The following KIFC3 variants were observed in gnomAD, a reference collection of about 807,000 sequenced individuals.
KIFC3 encodes the protein kinesin-like protein KIFC3.
Under a neutral mutation model 101.8 loss-of-function variants are expected in KIFC3, and 60 were observed. The observed-to-expected ratio is 0.59, with a 90% confidence interval of 0.48 to 0.73. KIFC3 has a LOEUF of 0.73. Ranked by LOEUF, KIFC3 falls within the 30% of genes least tolerant of loss-of-function variation. The pLI is 0.00. For synonymous variants in KIFC3, 476 were observed against 482.7 expected (o/e 0.99, Z 0.18); for missense variants, 966 against 1,137.1 (o/e 0.85, Z 2.16).
intron 2 of KIFC3, chr16:57,797,716 GC>G (rs2054450691): frequency 1.7e-6 from 2 of 1,173,018 alleles, no homozygotes; most frequent in Non-Finnish European, 2.1e-6. Context: ...TTGTTTACCA[GC>G]CTGGGCAGAG....
chr16:57,789,028 C>T (rs2053614722), intron 3 of KIFC3, among the ~76,000 whole-genome samples: 2 of 152,228 alleles, frequency 1.3e-5, no homozygotes, highest in Non-Finnish European at 1.5e-5. Context: ...CTGAGAGTCA[C>T]CAGCACAGAG....
intron 1 of KIFC3, among the ~76,000 whole-genome samples, chr16:57,824,675 G>A (rs782277669): frequency 2.6e-5 from 4 of 152,118 alleles, no homozygotes; most frequent in Non-Finnish European, 5.9e-5. Flanking sequence ...AGAGCAAGAC[G>A]CTGTCTCAAA....
intron 10 of KIFC3, among the ~76,000 whole-genome samples, chr16:57,766,112 T>C (rs782016187): frequency 8.5e-5 from 13 of 152,314 alleles, no homozygotes; most frequent in African/African-American, 2.6e-4. Context: ...AGGGCCCAGA[T>C]AGTGGGGCAG....
intron 1 of KIFC3, among the ~76,000 whole-genome samples, chr16:57,845,938 T>C (rs967642544): frequency 3.3e-5 from 5 of 152,152 alleles, no homozygotes; most frequent in African/African-American, 7.2e-5. Flanking sequence ...AGAGGGTTCT[T>C]TAAGATTTGT....
intron 12 of KIFC3, 60 bp downstream of exon 12, chr16:57,764,083 G>C (rs2050173994): frequency 4.1e-6 from 5 of 1,208,578 alleles, no homozygotes. Context: ...AGACCAATGA[G>C]GGAGCCCGCA....
Position 57,797,949 on chromosome 16 carries a change from G to A in KIFC3, c.172+123C>T, listed in dbSNP as rs189929360. ...ACGCCCGCCTGGCTCTGGGCTGTCG[G>A]TTACCCTGTAATTACCTGACAGCTC... On this transcript the variant is annotated intron_variant, in intron 2 of 19. Coordinates refer to ENST00000445690, the MANE Select transcript of KIFC3 (RefSeq NM_001130100.2). 326 of 1,540,338 alleles carry A rather than the reference G, an allele frequency of 2.1e-4. 1 individual carries two copies. The African/African-American group carries it at 4.2e-3, about 20-fold the overall frequency.
At chr16:57,815,951 G>A (rs1319471776) in intron 1 of KIFC3, among the ~76,000 whole-genome samples, 1 of 152,210 alleles carries the variant, frequency 6.6e-6, no homozygotes, top group Non-Finnish European at 1.5e-5. Flanking sequence ...ACTCGGCTGG[G>A]TCACCCCTGC....
At chr16:57,786,849 G>A (rs1036127613) in intron 3 of KIFC3, among the ~76,000 whole-genome samples, 5 of 152,168 alleles carry the variant, frequency 3.3e-5, no homozygotes, top group Non-Finnish European at 5.9e-5. Context: ...GCTTGCAGCT[G>A]GGCGGGGACA....
At chr16:57,852,105 T>C (rs1357345831) in intron 1 of KIFC3, among the ~76,000 whole-genome samples, 2 of 152,156 alleles carry the variant, frequency 1.3e-5, no homozygotes, top group Non-Finnish European at 1.5e-5. Flanking sequence ...TTTGTCTCTT[T>C]TTTCCTGCTT....
intron 18 of KIFC3, 165 bp from the exon 19 acceptor site, chr16:57,759,318 C>T (rs1190825664): frequency 6.4e-6 from 5 of 781,584 alleles, no homozygotes; most frequent in Non-Finnish European, 1.0e-5. Context: ...TGGCGGGGCT[C>T]ACTCCTCACC....
chr16:57,838,017 A>G (rs6499917), intron 1 of KIFC3, among the ~76,000 whole-genome samples: 2,428 of 152,276 alleles, frequency 0.016, 65 homozygotes, highest in African/African-American at 0.055. Flanking sequence ...ACCAGGGTCA[A>G]GTAGCCGGGG....
chr16:57,831,754 T>G (rs920055544), intron 1 of KIFC3, among the ~76,000 whole-genome samples: 1 of 152,224 alleles, frequency 6.6e-6, no homozygotes, highest in Non-Finnish European at 1.5e-5. Flanking sequence ...AAGCTCTCCG[T>G]GGATACAGCT....
In KIFC3 at chr16:57,769,730, G is replaced by C; in HGVS notation, c.1088-5C>G. 6.2e-7 allele frequency: 1 copy of C among 1,612,988 alleles called. No homozygotes were observed. Among genetic ancestry groups the C allele is most frequent in the Non-Finnish European group, 8.5e-7 (1 of 1,179,852 alleles). On this transcript the variant is annotated splice_polypyrimidine_tract_variant and splice_region_variant and intron_variant, in intron 8 of 19. Transcript: ENST00000445690. This position sits in a 1 kb window ranked among gnomAD's most constrained non-coding sequence, Gnocchi z 4.3. ...TCAGCAAGTTGGTCCGGACGCCTATGGGGACACTCGGGCTGTGAGGCGGGA... is the reference window on the plus strand; with the variant it reads ...TCAGCAAGTTGGTCCGGACGCCTATCGGGACACTCGGGCTGTGAGGCGGGA...
intron 2 of KIFC3, among the ~76,000 whole-genome samples, chr16:57,797,494 C>T (rs1324753347): frequency 6.6e-6 from 1 of 152,186 alleles, no homozygotes; most frequent in Non-Finnish European, 1.5e-5. Flanking sequence ...GACAGCTCCC[C>T]GGGGGGTACA....
chr16:57,774,860 C>G, intron 3 of KIFC3: 1 of 1,362,048 alleles, frequency 7.3e-7, no homozygotes, highest in Non-Finnish European at 9.5e-7. Flanking sequence ...TACGTAATTC[C>G]TACTCTCCCT....
At chr16:57,787,084 T>C (rs77298026) in intron 3 of KIFC3, among the ~76,000 whole-genome samples, 2,918 of 152,326 alleles carry the variant, frequency 0.019, 46 homozygotes, top group South Asian at 0.065. Flanking sequence ...CGATCTGTTC[T>C]AGAGTGAGTG....
chr16:57,850,763 G>T (rs1477063178), intron 1 of KIFC3, among the ~76,000 whole-genome samples: 4 of 151,802 alleles, frequency 2.6e-5, no homozygotes, highest in Non-Finnish European at 5.9e-5. Flanking sequence ...GGAGTGAGCC[G>T]CTGTGCCCAG....
chr16:57,772,430 C>A, intron 3 of KIFC3, 142 bp from the exon 4 acceptor site: 1 of 632,216 alleles, frequency 1.6e-6, no homozygotes, highest in Non-Finnish European at 2.8e-6. Flanking sequence ...TATGTTCAAG[C>A]ATCCCATCAC....
At chr16:57,803,113 C>T (rs1036165805), upstream of KIFC3, 1 of 1,289,694 alleles carries the variant, frequency 7.8e-7, no homozygotes, top group East Asian at 2.5e-5. Flanking sequence ...TCTGCACCCC[C>T]AGCCCCACCC....
Sources: allele counts gnomAD v4.1 joint callset (sites outside exome capture counted in the v4.1 genomes callset), GRCh38; gene constraint gnomAD v4.1.1; non-coding constraint Gnocchi (gnomAD v3.1); transcripts MANE v1.5; gene names NCBI Gene and HGNC (gene_info 2026-07-23, HGNC 2026-07-21).